NALCN: variants seen among roughly 807,000 people sequenced by gnomAD.
NALCN encodes sodium leak channel, non-selective, also known as sodium leak channel NALCN.
NALCN carries 111 observed loss-of-function variants against 225.3 expected under a neutral mutation model. The observed-to-expected ratio is 0.49, with a 90% CI of 0.42 to 0.58. The LOEUF (loss-of-function observed/expected upper bound fraction) is 0.58. Ranked by LOEUF, NALCN falls within the 20% of genes least tolerant of loss-of-function variation. The probability of loss-of-function intolerance (pLI) is 0.00; values close to 1 mark genes in which losing one functional copy is unlikely to be tolerated. For synonymous variants in NALCN, 764 were observed against 769.0 expected (o/e 0.99, Z 0.11); for missense variants, 1,378 against 2,202.4 (o/e 0.63, Z 7.49).
intron 11 of NALCN, among the ~76,000 whole-genome samples, chr13:101,248,559 T>C (rs2041969577): frequency 6.6e-6 from 1 of 152,112 alleles, no homozygotes; most frequent in African/African-American, 2.4e-5. Flanking sequence ...TGGCCAGTGA[T>C]TCCAGCGATC....
intron 6 of NALCN, among the ~76,000 whole-genome samples, chr13:101,364,336 A>G (rs1357364612): frequency 2.0e-5 from 3 of 152,152 alleles, no homozygotes; most frequent in African/African-American, 7.2e-5. Flanking sequence ...CCACCAATGG[A>G]TAAATGGATA....
chr13:101,160,800 G>A (rs9585633), intron 15 of NALCN, among the ~76,000 whole-genome samples: 34,331 of 152,040 alleles, frequency 0.23, 4,882 homozygotes, highest in Non-Finnish European at 0.31. Flanking sequence ...CCAGCATTGC[G>A]AGGCAATCAG....
At chr13:101,304,178 G>A (rs1408394449) in intron 7 of NALCN, among the ~76,000 whole-genome samples, 1 of 151,980 alleles carries the variant, frequency 6.6e-6, no homozygotes, top group Non-Finnish European at 1.5e-5. Flanking sequence ...TTTATTTTAA[G>A]TTTTTGTACT....
intron 7 of NALCN, among the ~76,000 whole-genome samples, chr13:101,329,808 G>A (rs1238244378): frequency 2.6e-5 from 4 of 152,064 alleles, no homozygotes; most frequent in Non-Finnish European, 5.9e-5. Flanking sequence ...GGAGGCTGAG[G>A]TGGGCAGATC....
chr13:101,373,605 G>C (rs1000204423), intron 6 of NALCN, among the ~76,000 whole-genome samples: 1 of 152,108 alleles, frequency 6.6e-6, no homozygotes, highest in African/African-American at 2.4e-5. Context: ...GGCACTATAG[G>C]AATTAAAGGT....
At chr13:101,342,466 C>T (rs1350038087) in intron 7 of NALCN, among the ~76,000 whole-genome samples, 1 of 152,200 alleles carries the variant, frequency 6.6e-6, no homozygotes, top group East Asian at 1.9e-4. Flanking sequence ...GGGCCTCTGC[C>T]TTGTGATGCT....
chr13:101,375,115 T>A (rs1259252383), intron 6 of NALCN, among the ~76,000 whole-genome samples: 1 of 152,206 alleles, frequency 6.6e-6, no homozygotes, highest in Non-Finnish European at 1.5e-5. Context: ...TTTCCTTTTT[T>A]TTAACCATGT....
Position 101,300,363 on chromosome 13 carries a change from T to TTCCTTCCTTCCTTCCTTCC in NALCN, c.800-7998_800-7997insGGAAGGAAGGAAGGAAGGA. ...TCTTTTTCTTTTTCTTCTTTCTTTC[T>TTCCTTCCTTCCTTCCTTCC]TTCTTTCCTTCCTTCCTTCCTTCCT... On this transcript the variant is annotated intron_variant, in intron 7 of 43. Coordinates refer to ENST00000251127, the MANE Select transcript of NALCN (RefSeq NM_052867.4). 3.0e-4 allele frequency among the ~76,000 whole-genome samples: 6 copies of TTCCTTCCTTCCTTCCTTCC among 19,906 alleles called. No homozygotes were observed. The South Asian group carries it at 0.011, about 37-fold the overall frequency. 13.1% of individuals were successfully genotyped at this position (19,906 alleles called of 152,430 possible). A position where few individuals can be genotyped will look rare whatever the true frequency, so the allele number is the denominator to read the frequency against.
chr13:101,404,841 C>G (rs2047572203), intron 1 of NALCN, among the ~76,000 whole-genome samples: 1 of 152,200 alleles, frequency 6.6e-6, no homozygotes, highest in African/African-American at 2.4e-5. Context: ...CCTTCCTTGT[C>G]TTTCTTGTCC....
intron 10 of NALCN, among the ~76,000 whole-genome samples, chr13:101,273,473 C>T (rs753671194): frequency 2.0e-5 from 3 of 152,104 alleles, no homozygotes; most frequent in Non-Finnish European, 4.4e-5. Context: ...AAAGAATTGC[C>T]TTATTGACTA....
intron 2 of NALCN, among the ~76,000 whole-genome samples, chr13:101,396,446 G>C (rs763321446): frequency 1.3e-5 from 2 of 152,024 alleles, no homozygotes; most frequent in Non-Finnish European, 2.9e-5. Flanking sequence ...TCTTGTAGTA[G>C]ATGGATTCTG....
intron 18 of NALCN, among the ~76,000 whole-genome samples, chr13:101,115,071 A>T (rs555233604): frequency 1.3e-5 from 2 of 152,194 alleles, no homozygotes; most frequent in African/African-American, 4.8e-5. Context: ...AATTCCGTGA[A>T]GATCAAATAT....
intron 15 of NALCN, among the ~76,000 whole-genome samples, chr13:101,171,740 G>GTGA (rs2038733061): frequency 6.6e-6 from 1 of 152,174 alleles, no homozygotes; most frequent in South Asian, 2.1e-4. Flanking sequence ...TGGAGAGGCG[G>GTGA]TGATGGGAAT....
At chr13:101,371,918 T>C (rs900798803) in intron 6 of NALCN, among the ~76,000 whole-genome samples, 8 of 152,156 alleles carry the variant, frequency 5.3e-5, no homozygotes, top group African/African-American at 1.9e-4. Flanking sequence ...TTACTGTCAA[T>C]CCAGGAATGG....
chr13:101,057,907 C>G (rs751566701), intron 43 of NALCN, 32 bp downstream of exon 43: 7 of 1,542,874 alleles, frequency 4.5e-6, no homozygotes, highest in Middle Eastern at 1.7e-4. Flanking sequence ...TAAAATGCCT[C>G]GATCGCTGGA....
At chr13:101,153,970 T>A (rs948824079) in intron 15 of NALCN, among the ~76,000 whole-genome samples, 2 of 152,192 alleles carry the variant, frequency 1.3e-5, no homozygotes, top group Non-Finnish European at 2.9e-5. Flanking sequence ...GGATGTCACA[T>A]GAAGATACTG....
intron 37 of NALCN, among the ~76,000 whole-genome samples, chr13:101,071,736 A>C (rs1424674905): frequency 6.6e-6 from 1 of 152,196 alleles, no homozygotes; most frequent in Non-Finnish European, 1.5e-5. Context: ...AATTCCCTTC[A>C]AGAACTTTTC....
chr13:101,321,040 G>C lies in NALCN; in HGVS notation c.799+24226C>G, dbSNP rs377717080. 1.1e-4 allele frequency among the ~76,000 whole-genome samples: 16 copies of C among 145,854 alleles called. No homozygotes were observed. The South Asian group carries it at 3.5e-3, about 32-fold the overall frequency. ...CCGATGTTATGACAAAGTCATTCTT[G>C]ATTCTCTATTGCCCATAAATGTCTG... On this transcript the variant is annotated intron_variant, in intron 7 of 43. Coordinates refer to ENST00000251127, the MANE Select transcript of NALCN (RefSeq NM_052867.4).
In NALCN at chr13:101,070,061, A is replaced by ATTTTTTTT. The variant is rs1377492353; in HGVS notation, c.4198-1235_4198-1234insAAAAAAAA. Among the ~76,000 whole-genome samples, 16 of 19,252 alleles carry ATTTTTTTT rather than the reference A, an allele frequency of 8.3e-4. 1 individual carries two copies. The highest frequency in any genetic ancestry group is 2.9e-3 in the African/African-American group (15 of 5,168). The allele number at this position is 19,252 out of a possible 152,430, so 12.6% of individuals were successfully genotyped here. A position where few individuals can be genotyped will look rare whatever the true frequency, so the allele number is the denominator to read the frequency against. On this transcript the variant is annotated intron_variant, in intron 37 of 43. Coordinates refer to ENST00000251127, the MANE Select transcript of NALCN (RefSeq NM_052867.4). ...TTTGACCTCCTTCCATGAATCATGA[A>ATTTTTTTT]TGTTTTTTTTTTTTTTTTTTTTTGA...
Sources: gnomAD v4.1 joint callset for allele counts (sites outside exome capture counted in the v4.1 genomes callset) on GRCh38, gnomAD v4.1.1 for gene constraint, MANE v1.5 for transcripts, NCBI Gene and HGNC (gene_info 2026-07-23, HGNC 2026-07-21) for gene names.